Variants in CCDC13 observed in about 807,000 individuals in gnomAD.
CCDC13 encodes coiled-coil domain containing 13, also known as coiled-coil domain-containing protein 13.
A neutral mutation model predicts 87.3 loss-of-function variants in CCDC13; 70 were observed. That is an observed-to-expected ratio of 0.80 (90% CI 0.66 to 0.98). CCDC13 has a LOEUF of 0.98. Ranked by LOEUF, CCDC13 falls within the 50% of genes least tolerant of loss-of-function variation. The probability of loss-of-function intolerance (pLI) is 0.00; values close to 1 mark genes in which losing one functional copy is unlikely to be tolerated. For synonymous variants in CCDC13, 317 were observed against 360.3 expected, an observed-to-expected ratio of 0.88 and a Z score of 1.36; for missense variants, 842 against 892.0, an observed-to-expected ratio of 0.94 and a Z score of 0.71.
intron 3 of CCDC13, 126 bp downstream of exon 3, chr3:42,756,940 G>A (rs1699717501): frequency 5.1e-6 from 5 of 980,174 alleles, no homozygotes; most frequent in Non-Finnish European, 7.7e-6. Flanking sequence ...GGACTCCTCT[G>A]GACAAGCTTG....
intron 3 of CCDC13, among the ~76,000 whole-genome samples, chr3:42,755,644 G>T (rs1242310320): frequency 1.3e-5 from 2 of 152,182 alleles, no homozygotes; most frequent in African/African-American, 4.8e-5. Context: ...GGGCTTGTCA[G>T]ATTTTCTCTC....
chr3:42,733,711 GAA>G, intron 10 of CCDC13, 102 bp from the exon 11 acceptor site: 3 of 1,415,744 alleles, frequency 2.1e-6, no homozygotes, highest in Non-Finnish European at 2.8e-6. Flanking sequence ...CAGAGGATAT[GAA>G]AGAGGCTTCT....
chr3:42,772,556 C>T (rs116724368), intron 1 of CCDC13, among the ~76,000 whole-genome samples: 1,565 of 152,218 alleles, frequency 0.01, 29 homozygotes, highest in African/African-American at 0.036. Flanking sequence ...GTGTTCTTTT[C>T]GAGTATTCTC....
chr3:42,712,891 G>C (rs1698344658), intron 14 of CCDC13, among the ~76,000 whole-genome samples: 1 of 152,226 alleles, frequency 6.6e-6, no homozygotes, highest in African/African-American at 2.4e-5. Flanking sequence ...TAGGGTGGCT[G>C]GGGGCATTCA....
chr3:42,723,000 T>C (rs1315777383), intron 13 of CCDC13, among the ~76,000 whole-genome samples: 1 of 152,134 alleles, frequency 6.6e-6, no homozygotes, highest in Non-Finnish European at 1.5e-5. Flanking sequence ...GGTTTCACCC[T>C]GTTAGCCAGG....
chr3:42,744,022 T>C (rs936596336), intron 7 of CCDC13, among the ~76,000 whole-genome samples: 1 of 152,220 alleles, frequency 6.6e-6, no homozygotes, highest in Non-Finnish European at 1.5e-5. Context: ...ATTGTGAAGT[T>C]GTCTGAGCCT....
At chr3:42,725,620 G>A (rs927401759) in intron 13 of CCDC13, among the ~76,000 whole-genome samples, 1 of 151,992 alleles carries the variant, frequency 6.6e-6, no homozygotes, top group African/African-American at 2.4e-5. Flanking sequence ...CAGGGCCTTG[G>A]GAAATGGGGA....
chr3:42,760,016 G>T (rs1420406972), intron 1 of CCDC13, among the ~76,000 whole-genome samples: 1 of 152,142 alleles, frequency 6.6e-6, no homozygotes, highest in Non-Finnish European at 1.5e-5. Context: ...TCTCAGCCGG[G>T]CATGGTGGCT....
intron 1 of CCDC13, among the ~76,000 whole-genome samples, chr3:42,767,909 G>C (rs1699965724): frequency 6.6e-6 from 1 of 151,986 alleles, no homozygotes; most frequent in Admixed American, 6.6e-5. Context: ...AGGAGGCAGA[G>C]GTTGCAGTGA....
At chr3:42,746,865 G>C in intron 6 of CCDC13, 1 of 326,782 alleles carries the variant, frequency 3.1e-6, no homozygotes, top group Non-Finnish European at 5.9e-6. Context: ...AAGAAGGCAG[G>C]TGTTGGCAGG....
At chr3:42,709,325 C>T (rs541640948) in intron 15 of CCDC13, among the ~76,000 whole-genome samples, 186 bp from the exon 16 acceptor site, 15 of 152,346 alleles carry the variant, frequency 9.8e-5, no homozygotes, top group African/African-American at 3.1e-4. Flanking sequence ...GCCTGGCTCC[C>T]TGCAATGTAA....
intron 2 of CCDC13, 55 bp downstream of exon 2, chr3:42,758,062 TACACACAC>T (rs3076826): frequency 9.0e-3 from 9,010 of 995,852 alleles, no homozygotes; most frequent in South Asian, 0.016. Flanking sequence ...GCTCCGGTGG[TACACACAC>T]ACACACACAC....
At chr3:42,724,825 C>T (rs1698651296) in intron 13 of CCDC13, among the ~76,000 whole-genome samples, 1 of 151,914 alleles carries the variant, frequency 6.6e-6, no homozygotes, top group African/African-American at 2.4e-5. Flanking sequence ...TGTGGGGGTG[C>T]TGGTAAAAAA....
At chr3:42,759,915 T>C (rs1449850478) in intron 1 of CCDC13, among the ~76,000 whole-genome samples, 1 of 152,238 alleles carries the variant, frequency 6.6e-6, no homozygotes, top group East Asian at 1.9e-4. Flanking sequence ...ACATTCTTAC[T>C]AGCAATGGGA....
intron 13 of CCDC13, among the ~76,000 whole-genome samples, chr3:42,724,351 A>G (rs905790414): frequency 2.0e-5 from 3 of 152,178 alleles, no homozygotes; most frequent in African/African-American, 4.8e-5. Context: ...TTCAGCTTCC[A>G]ATCTATCAGC....
intron 13 of CCDC13, among the ~76,000 whole-genome samples, chr3:42,714,885 G>A (rs1418770591): frequency 6.6e-6 from 1 of 152,206 alleles, no homozygotes; most frequent in East Asian, 1.9e-4. Flanking sequence ...ATCATCAGGG[G>A]ACAAACAAGT....
At chr3:42,759,287 T>C (rs2125910603) in intron 1 of CCDC13, among the ~76,000 whole-genome samples, 1 of 148,318 alleles carries the variant, frequency 6.7e-6, no homozygotes, top group Middle Eastern at 3.5e-3. Flanking sequence ...CCATTGTGAG[T>C]AACAGTGAGA....
At position 42,746,322 on chromosome 3, in the gene CCDC13, A is replaced by G. The variant is rs143698972; in HGVS notation, c.721-295T>C. 425 of 344,318 alleles carry G rather than the reference A, an allele frequency of 1.2e-3. 5 individuals carry two copies. Among genetic ancestry groups the G allele is most frequent in the African/African-American group, 8.5e-3 (412 of 48,480 alleles). The allele number at this position is 344,318 out of a possible 1,614,324, so 21.3% of individuals were successfully genotyped here. On this transcript the variant is annotated intron_variant, in intron 6 of 15. Coordinates refer to ENST00000310232, the MANE Select transcript of CCDC13 (RefSeq NM_144719.4). ...TGACATATTCTGGGATGACTGAACC[A>G]CAAAGCTGACCAACTCCTGCTTCCT...
Position 42,751,966 on chromosome 3 carries a change from T to C in CCDC13, c.573A>G (p.Pro191=). 6.2e-7 allele frequency: 1 copy of C among 1,611,782 alleles called. No individual in the cohort carries two copies. The highest frequency in any genetic ancestry group is 8.5e-7 in the Non-Finnish European group (1 of 1,180,024). The change falls in exon 5 of 16, where the codon CCA becomes CCG. Residue 191 remains proline, a synonymous_variant. Transcript: ENST00000310232. ...AKGATDAGAK[P]PRAQMGDRAL... ...CTCTGTCTCCCATCTGGGCCCTCGGTGGCTTGGCTCCTGCGTCGGTGGCCC... is the reference window on the plus strand; with the variant it reads ...CTCTGTCTCCCATCTGGGCCCTCGGCGGCTTGGCTCCTGCGTCGGTGGCCC...
Sources: allele counts gnomAD v4.1 joint callset (sites outside exome capture counted in the v4.1 genomes callset), GRCh38; gene constraint gnomAD v4.1.1; transcripts MANE v1.5; gene names NCBI Gene and HGNC (gene_info 2026-07-23, HGNC 2026-07-21).